The following NUDT3 variants were observed in gnomAD, a reference collection of about 807,000 sequenced individuals.
The protein encoded by NUDT3 is diphosphoinositol polyphosphate phosphohydrolase 1.
A neutral mutation model predicts 23.6 loss-of-function variants in NUDT3; 9 were observed. The ratio of observed to expected loss-of-function variants is 0.38; its 90% CI spans 0.23 to 0.66. NUDT3 has a LOEUF of 0.66. NUDT3 is among the 30% of genes least tolerant of loss of function. The probability of loss-of-function intolerance (pLI) is 0.52; values close to 1 mark genes in which losing one functional copy is unlikely to be tolerated. For synonymous variants in NUDT3, 86 were observed against 82.6 expected (o/e 1.04, Z -0.22); for missense variants, 172 against 218.5 (o/e 0.79, Z 1.34).
At chr6:34,317,559 A>AC (rs978675397) in intron 2 of NUDT3, among the ~76,000 whole-genome samples, 36 of 151,848 alleles carry the variant, frequency 2.4e-4, no homozygotes, top group Admixed American at 1.2e-3. Context: ...CTTTTCTCCC[A>AC]CCCCCCCAAC....
rs1444940348 is a variant in NUDT3, at chr6:34,351,664, C to G, written c.100-9692G>C. Among the ~76,000 whole-genome samples, 2 of 145,484 alleles carry G rather than the reference C, an allele frequency of 1.4e-5. 1 individual carries two copies. ...ACTGAAGGAGGAGAATTGCTTGGAC[C>G]CAGGAGGTGGAGGTTGCAGTGAGCC... On this transcript the variant is annotated intron_variant, in intron 1 of 4. Transcript: ENST00000607016.
chr6:34,377,425 GA>G (rs1764942136), intron 1 of NUDT3, among the ~76,000 whole-genome samples: 1 of 152,000 alleles, frequency 6.6e-6, no homozygotes, highest in African/African-American at 2.4e-5. Flanking sequence ...CATAAACTTG[GA>G]TTTTAAAAAT....
At chr6:34,361,213 C>G (rs1253821408) in intron 1 of NUDT3, among the ~76,000 whole-genome samples, 1 of 152,020 alleles carries the variant, frequency 6.6e-6, no homozygotes, top group African/African-American at 2.4e-5. Flanking sequence ...CAGAGTGAGA[C>G]CCTGTCTCTA....
chr6:34,389,898 A>G (rs1245756820), intron 1 of NUDT3, among the ~76,000 whole-genome samples: 2 of 151,514 alleles, frequency 1.3e-5, no homozygotes, highest in African/African-American at 2.4e-5. Context: ...CGGGAGGCGG[A>G]GCTTGCAGTG....
chr6:34,311,960 C>CGTT (rs1763780291), intron 2 of NUDT3, among the ~76,000 whole-genome samples: 5 of 152,190 alleles, frequency 3.3e-5, no homozygotes, highest in Admixed American at 2.0e-4. Flanking sequence ...AAACGCAAAA[C>CGTT]TATAATACTC....
At chr6:34,382,052 G>A (rs932541253) in intron 1 of NUDT3, among the ~76,000 whole-genome samples, 13 of 121,218 alleles carry the variant, frequency 1.1e-4, no homozygotes, top group African/African-American at 3.3e-4. Context: ...CAGCCTGAGC[G>A]ACAGAGCGAG....
At chr6:34,327,740 C>A (rs1764063693) in intron 2 of NUDT3, among the ~76,000 whole-genome samples, 1 of 152,090 alleles carries the variant, frequency 6.6e-6, no homozygotes, top group South Asian at 2.1e-4. Context: ...CAACCTCCCA[C>A]AAGAAGCAGG....
At chr6:34,367,787 C>G (rs918911196) in intron 1 of NUDT3, among the ~76,000 whole-genome samples, 1 of 152,184 alleles carries the variant, frequency 6.6e-6, no homozygotes, top group African/African-American at 2.4e-5. Flanking sequence ...AAGCTCAGAG[C>G]ATTGCTTCAT....
rs1763280135 is a variant in NUDT3, at chr6:34,281,582, T to C, written c.*7171A>G. The C allele has an allele frequency of 6.6e-6, 1 of 151,960 alleles. No homozygotes were observed. The highest frequency in any genetic ancestry group is 2.4e-5 in the African/African-American group (1 of 41,418). 9.4% of individuals were successfully genotyped at this position (151,960 alleles called of 1,614,324 possible). On this transcript the variant is annotated 3_prime_UTR_variant, in exon 5 of 5. Coordinates refer to ENST00000607016, the MANE Select transcript of NUDT3 (RefSeq NM_006703.4). ...AAAACAATAGAACAGACCTGACATT[T>C]ACAAAACTGTACTACATACTTATTT...
intron 2 of NUDT3, among the ~76,000 whole-genome samples, chr6:34,333,538 G>A (rs2113728495): frequency 6.6e-6 from 1 of 152,332 alleles, no homozygotes; most frequent in African/African-American, 2.4e-5. Context: ...GACGAAAGAT[G>A]TCCTGGATTC....
intron 2 of NUDT3, among the ~76,000 whole-genome samples, chr6:34,332,428 T>TGTCTCAGGGGCC (rs1298470217): frequency 6.6e-6 from 1 of 152,084 alleles, no homozygotes; most frequent in Admixed American, 6.6e-5. Flanking sequence ...TTGGTCTTGC[T>TGTCTCAGGGGCC]GTCTCAGGGG....
chr6:34,391,650 T>C (rs898646163), intron 1 of NUDT3, among the ~76,000 whole-genome samples: 3 of 152,158 alleles, frequency 2.0e-5, no homozygotes, highest in African/African-American at 7.2e-5. Flanking sequence ...TCAAATGTCT[T>C]TTCTTCTCAG....
At chr6:34,312,692 C>T (rs1268918004) in intron 2 of NUDT3, among the ~76,000 whole-genome samples, 2 of 152,110 alleles carry the variant, frequency 1.3e-5, no homozygotes, top group Non-Finnish European at 2.9e-5. Context: ...ATGTCTCTTA[C>T]TAAAACCACA....
chr6:34,306,432 G>A (rs1054126836), intron 2 of NUDT3, among the ~76,000 whole-genome samples: 2 of 152,166 alleles, frequency 1.3e-5, no homozygotes, highest in African/African-American at 4.8e-5. Flanking sequence ...ATCTCCAGAG[G>A]CAAGGGTTGC....
chr6:34,368,622 A>G (rs755551680), intron 1 of NUDT3, among the ~76,000 whole-genome samples: 7 of 152,192 alleles, frequency 4.6e-5, no homozygotes, highest in Non-Finnish European at 1.0e-4. Context: ...CGTACGAAAC[A>G]GTAGCTCTGC....
chr6:34,333,362 A>G (rs1326572229), intron 2 of NUDT3, among the ~76,000 whole-genome samples: 22 of 152,214 alleles, frequency 1.4e-4, no homozygotes. Context: ...ATGATAAACT[A>G]CTGAATAATC....
chr6:34,296,250 C>T (rs1456873364), intron 2 of NUDT3, among the ~76,000 whole-genome samples: 2 of 152,082 alleles, frequency 1.3e-5, no homozygotes, highest in Non-Finnish European at 2.9e-5. Flanking sequence ...GCCTGGGTGA[C>T]AAAGTGAGAC....
chr6:34,337,406 G>A (rs560079176), intron 2 of NUDT3, among the ~76,000 whole-genome samples: 37 of 152,310 alleles, frequency 2.4e-4, no homozygotes, highest in Middle Eastern at 3.4e-3. Flanking sequence ...TTCAAGACAG[G>A]AGCTAGGTAA....
chr6:34,338,447 T>C (rs1764241940), intron 2 of NUDT3, among the ~76,000 whole-genome samples: 1 of 152,250 alleles, frequency 6.6e-6, no homozygotes, highest in South Asian at 2.1e-4. Flanking sequence ...TTTCAAATTA[T>C]AGTTTCCTAT....
Sources: gnomAD v4.1 joint callset for allele counts (sites outside exome capture counted in the v4.1 genomes callset) on GRCh38, gnomAD v4.1.1 for gene constraint, MANE v1.5 for transcripts, NCBI Gene and HGNC (gene_info 2026-07-23, HGNC 2026-07-21) for gene names.